TRMT11: variants seen among roughly 807,000 people sequenced by gnomAD.
TRMT11 encodes the protein tRNA (guanine(10)-N(2))-methyltransferase TRMT11.
TRMT11 carries 53 observed loss-of-function variants against 62.8 expected under a neutral mutation model. That is an observed-to-expected ratio of 0.84 (90% confidence interval 0.68 to 1.06). The LOEUF (loss-of-function observed/expected upper bound fraction) is 1.06. TRMT11 is among the 50% of genes least tolerant of loss of function. The pLI is 0.00. For missense variants in TRMT11, 556 were observed against 553.4 expected (o/e 1.00, Z -0.05); for synonymous variants, 188 against 190.3 (o/e 0.99, Z 0.10).
intron 12 of TRMT11, among the ~76,000 whole-genome samples, chr6:126,029,816 T>G (rs1393974438): frequency 1.3e-5 from 2 of 152,214 alleles, no homozygotes; most frequent in African/African-American, 4.8e-5. Flanking sequence ...AAAGTACAGA[T>G]TCTAGTAGAT....
the TRMT11 span, among the ~76,000 whole-genome samples, chr6:126,251,327 C>A: frequency 6.6e-6 from 1 of 151,924 alleles, no homozygotes; most frequent in Non-Finnish European, 1.5e-5. Flanking sequence ...CCGCACCCGG[C>A]CCCAATTTTT....
At chr6:126,263,977 A>T in the TRMT11 span, among the ~76,000 whole-genome samples, 3 of 152,222 alleles carry the variant, frequency 2.0e-5, no homozygotes, top group African/African-American at 7.2e-5. Flanking sequence ...CAATATAGTG[A>T]AACATTCTTT....
At chr6:125,993,056 C>T (rs1790885115) in intron 1 of TRMT11, among the ~76,000 whole-genome samples, 1 of 152,026 alleles carries the variant, frequency 6.6e-6, no homozygotes, top group South Asian at 2.1e-4. Flanking sequence ...TAGTAGGTAG[C>T]CAGCAGTGGA....
the TRMT11 span, among the ~76,000 whole-genome samples, chr6:126,242,474 A>G: frequency 6.6e-6 from 1 of 152,226 alleles, no homozygotes; most frequent in Non-Finnish European, 1.5e-5. Context: ...CCACATTGCC[A>G]AGTCAATCCT....
the TRMT11 span, among the ~76,000 whole-genome samples, chr6:126,249,749 A>G: frequency 6.6e-6 from 1 of 152,148 alleles, no homozygotes; most frequent in East Asian, 1.9e-4. Context: ...ACTCTTCACA[A>G]TAGAGGTAGT....
intron 21 of TRMT11, among the ~76,000 whole-genome samples, chr6:126,157,221 G>C (rs903869365): frequency 6.6e-6 from 1 of 152,120 alleles, no homozygotes; most frequent in Non-Finnish European, 1.5e-5. Flanking sequence ...TCTTCTTTCT[G>C]CCAGCATAGA....
At chr6:126,106,035 A>G (rs1312972997) in intron 17 of TRMT11, among the ~76,000 whole-genome samples, 1 of 152,248 alleles carries the variant, frequency 6.6e-6, no homozygotes, top group Non-Finnish European at 1.5e-5. Context: ...TTGATATCCA[A>G]CAGATGGGCT....
chr6:126,190,153 T>C (rs890036134), intron 1 of TRMT11, among the ~76,000 whole-genome samples: 33 of 152,304 alleles, frequency 2.2e-4, no homozygotes, highest in African/African-American at 7.0e-4. Context: ...AATTTGTTTT[T>C]TCTAACTGCG....
chr6:126,174,191 G>A (rs548776694), upstream of TRMT11, among the ~76,000 whole-genome samples: 6 of 152,284 alleles, frequency 3.9e-5, 1 homozygote, highest in Admixed American at 1.3e-4. Context: ...GTGGAGTGTT[G>A]GTGAAGGTGT....
intron 17 of TRMT11, among the ~76,000 whole-genome samples, chr6:126,058,744 C>T (rs756590243): frequency 2.6e-5 from 4 of 152,188 alleles, no homozygotes; most frequent in Non-Finnish European, 4.4e-5. Context: ...AAGAGGATAT[C>T]TCAACTGATC....
chr6:126,049,456 G>C (rs1280985965), intron 16 of TRMT11, among the ~76,000 whole-genome samples: 1 of 152,120 alleles, frequency 6.6e-6, no homozygotes, highest in African/African-American at 2.4e-5. Context: ...TAGATTCCAA[G>C]AGTGTTAATT....
At chr6:126,231,237 C>T in the TRMT11 span, among the ~76,000 whole-genome samples, 3 of 151,906 alleles carry the variant, frequency 2.0e-5, no homozygotes, top group Admixed American at 1.3e-4. Flanking sequence ...TAATAGGACC[C>T]CCCAAAACAA....
intron 17 of TRMT11, among the ~76,000 whole-genome samples, chr6:126,103,729 C>A (rs144736839): frequency 2.7e-4 from 41 of 152,298 alleles, no homozygotes; most frequent in Non-Finnish European, 5.1e-4. Context: ...TCTCATATGC[C>A]TTTTTACAAA....
intron 12 of TRMT11, among the ~76,000 whole-genome samples, chr6:126,030,439 C>T (rs563024880): frequency 2.0e-5 from 3 of 152,290 alleles, no homozygotes; most frequent in East Asian, 1.9e-4. Flanking sequence ...CATCTCTTTG[C>T]CTTCTTCCTC....
chr6:126,111,775 A>G (rs923655111), intron 17 of TRMT11, among the ~76,000 whole-genome samples: 1 of 152,108 alleles, frequency 6.6e-6, no homozygotes, highest in Non-Finnish European at 1.5e-5. Context: ...TTGGGGTCAG[A>G]GAGACCTAAG....
At chr6:126,051,883 C>T (rs1776229487) in intron 16 of TRMT11, among the ~76,000 whole-genome samples, 1 of 152,126 alleles carries the variant, frequency 6.6e-6, no homozygotes, top group Non-Finnish European at 1.5e-5. Context: ...ATGCAAGAAG[C>T]AGAAGATCCC....
the TRMT11 span, among the ~76,000 whole-genome samples, chr6:126,251,254 C>A: frequency 1.3e-5 from 2 of 152,096 alleles, no homozygotes; most frequent in Admixed American, 1.3e-4. Flanking sequence ...TGGTCTCGAA[C>A]TCCTGACCTC....
chr6:126,089,897 A>G (rs1777255586), intron 17 of TRMT11, among the ~76,000 whole-genome samples: 1 of 152,250 alleles, frequency 6.6e-6, no homozygotes, highest in African/African-American at 2.4e-5. Flanking sequence ...GTTTATTTAT[A>G]AGGAAATTAT....
chr6:126,134,546 A>C (rs993677946), intron 21 of TRMT11, among the ~76,000 whole-genome samples: 2 of 151,938 alleles, frequency 1.3e-5, no homozygotes, highest in African/African-American at 2.4e-5. Flanking sequence ...ATACAATAGA[A>C]GTAGGATACT....
Sources: gnomAD v4.1 joint callset for allele counts (sites outside exome capture counted in the v4.1 genomes callset) on GRCh38, gnomAD v4.1.1 for gene constraint, MANE v1.5 for transcripts, NCBI Gene and HGNC (gene_info 2026-07-23, HGNC 2026-07-21) for gene names.